PLEKHM3: variants seen among roughly 807,000 people sequenced by gnomAD.
The protein encoded by PLEKHM3 is pleckstrin homology domain-containing family M member 3.
Under a neutral mutation model 81.8 loss-of-function variants are expected in PLEKHM3, and 45 were observed. The observed-to-expected ratio is 0.55, with a 90% confidence interval of 0.43 to 0.71. The LOEUF (loss-of-function observed/expected upper bound fraction) is 0.71, where lower values mean the gene tolerates loss of function less well. Ranked by LOEUF, PLEKHM3 falls within the 30% of genes least tolerant of loss-of-function variation. PLEKHM3 has a pLI of 0.00. For synonymous variants in PLEKHM3, 352 were observed against 356.4 expected (o/e 0.99, Z 0.14); for missense variants, 788 against 924.3 (o/e 0.85, Z 1.91).
chr2:207,959,408 G>A (rs904298565), intron 3 of PLEKHM3, among the ~76,000 whole-genome samples: 2 of 152,164 alleles, frequency 1.3e-5, no homozygotes, highest in Admixed American at 1.3e-4. Flanking sequence ...TTATTTTGGG[G>A]GGTTACCTGA....
At chr2:207,880,919 G>T (rs2092588345) in intron 6 of PLEKHM3, among the ~76,000 whole-genome samples, 1 of 150,780 alleles carries the variant, frequency 6.6e-6, no homozygotes, top group South Asian at 2.1e-4. Flanking sequence ...AATGACAATG[G>T]TTATGCTCCA....
At chr2:207,895,069 T>C (rs1688179236) in intron 6 of PLEKHM3, among the ~76,000 whole-genome samples, 1 of 152,248 alleles carries the variant, frequency 6.6e-6, no homozygotes, top group South Asian at 2.1e-4. Context: ...CTATTATTAA[T>C]CTAATTATTT....
Position 208,001,760 on chromosome 2 carries a change from T to G in PLEKHM3, c.-121A>C. ...CTATGGAAACAACTGGAAGAAACCT[T>G]CATTGGGCTCCCTGGAGCAGGCCAA... On this transcript the variant is annotated 5_prime_UTR_variant, in exon 2 of 8. Transcript: ENST00000427836. The G allele has an allele frequency of 6.8e-7, 1 of 1,475,922 alleles. No homozygotes were observed. The highest frequency in any genetic ancestry group is 1.4e-5 in the South Asian group (1 of 72,736). 91.4% of individuals were successfully genotyped at this position (1,475,922 alleles called of 1,614,324 possible).
intron 4 of PLEKHM3, among the ~76,000 whole-genome samples, chr2:207,934,891 G>A (rs757238834): frequency 8.5e-5 from 13 of 152,190 alleles, no homozygotes; most frequent in African/African-American, 2.9e-4. Flanking sequence ...TCAGGTTTGC[G>A]TAATCCTGAG....
chr2:207,965,435 G>GGAA (rs1317602951), intron 3 of PLEKHM3, among the ~76,000 whole-genome samples: 1 of 149,946 alleles, frequency 6.7e-6, no homozygotes, highest in African/African-American at 2.4e-5. Context: ...ATGAAGTTCA[G>GGAA]GAAGGTCCAT....
chr2:207,880,749 C>T (rs1399348125), intron 6 of PLEKHM3, among the ~76,000 whole-genome samples: 3 of 9,650 alleles, frequency 3.1e-4, no homozygotes, highest in East Asian at 7.7e-3. Context: ...GGAGACACAG[C>T]GAGACTCTGT....
At chr2:207,849,320 C>T (rs569527476) in intron 7 of PLEKHM3, among the ~76,000 whole-genome samples, 21 of 151,440 alleles carry the variant, frequency 1.4e-4, no homozygotes, top group East Asian at 3.9e-4. Context: ...GGCCACAGAG[C>T]GAGACTGTCT....
intron 4 of PLEKHM3, among the ~76,000 whole-genome samples, chr2:207,944,034 T>C (rs1690037193): frequency 6.6e-6 from 1 of 152,128 alleles, no homozygotes; most frequent in Admixed American, 6.5e-5. Context: ...AAAGTAGGAA[T>C]TATCAGCATA....
In PLEKHM3 at chr2:208,001,198, C is replaced by A. The variant is rs1692287550; in HGVS notation, c.442G>T (p.Ala148Ser). 24 of 1,614,004 alleles carry A rather than the reference C, an allele frequency of 1.5e-5. No individual in the cohort carries two copies. Among genetic ancestry groups the A allele is most frequent in the Non-Finnish European group, 2.0e-5 (24 of 1,180,014 alleles). Residue 148 changes from alanine (A) to serine (S), a missense_variant, in exon 2 of 8, where the codon GCT becomes TCT. Transcript: ENST00000427836. ...DETSTFKPGH[A>S]RSRSDITQVD... ...TGGGTAATATCTGATCGTGATCGAG[C>A]ATGCCCTGGCTTGAAAGTTGAGGTC...
At chr2:207,927,336 T>C (rs1689429682) in intron 5 of PLEKHM3, among the ~76,000 whole-genome samples, 1 of 152,166 alleles carries the variant, frequency 6.6e-6, no homozygotes, top group South Asian at 2.1e-4. Flanking sequence ...GGCAACATGG[T>C]GAAAGCCCGT....
chr2:207,955,303 ATTTTTTTCATCCTGTTTTTTTC>A (rs1690466365), intron 3 of PLEKHM3, among the ~76,000 whole-genome samples: 2 of 152,078 alleles, frequency 1.3e-5, no homozygotes, highest in African/African-American at 2.4e-5. Context: ...TAAACTTAGT[ATTTTTTTCATCCTGTTTTTTTC>A]CTAACAGTCT....
At chr2:207,886,456 C>A (rs1004912612) in intron 6 of PLEKHM3, among the ~76,000 whole-genome samples, 1 of 152,186 alleles carries the variant, frequency 6.6e-6, no homozygotes, top group Non-Finnish European at 1.5e-5. Flanking sequence ...AGCTGCATTC[C>A]ACCTGTGTTA....
intron 6 of PLEKHM3, among the ~76,000 whole-genome samples, chr2:207,885,379 C>CT (rs1687855930): frequency 1.3e-5 from 2 of 152,226 alleles, no homozygotes; most frequent in Admixed American, 1.3e-4. Flanking sequence ...TCTTCTAACT[C>CT]TAGCTTGCTT....
At chr2:207,831,908 A>G (rs2092290777) in intron 7 of PLEKHM3, among the ~76,000 whole-genome samples, 1 of 152,186 alleles carries the variant, frequency 6.6e-6, no homozygotes, top group Admixed American at 6.5e-5. Flanking sequence ...TCCTCCTTCC[A>G]GCCCCCTTTC....
intron 7 of PLEKHM3, among the ~76,000 whole-genome samples, chr2:207,842,511 T>C (rs1368703354): frequency 6.6e-6 from 1 of 152,208 alleles, no homozygotes; most frequent in African/African-American, 2.4e-5. Flanking sequence ...TACTCTACTT[T>C]GCATGAACCA....
intron 4 of PLEKHM3, among the ~76,000 whole-genome samples, chr2:207,942,308 G>C (rs1559248350): frequency 1.3e-5 from 2 of 151,912 alleles, no homozygotes; most frequent in Non-Finnish European, 2.9e-5. Context: ...AGGAGTTCGA[G>C]GCCAGCCTGG....
intron 3 of PLEKHM3, among the ~76,000 whole-genome samples, chr2:207,975,621 C>T (rs980966360): frequency 8.5e-5 from 9 of 105,868 alleles, no homozygotes; most frequent in Non-Finnish European, 1.2e-4. Flanking sequence ...GATGGAGTGT[C>T]GCTCTGTCGC....
chr2:207,938,457 A>G (rs1303033618), intron 4 of PLEKHM3, among the ~76,000 whole-genome samples: 1 of 152,220 alleles, frequency 6.6e-6, no homozygotes, highest in African/African-American at 2.4e-5. Context: ...TTAAATGGCT[A>G]TTCAAGCCAG....
chr2:207,943,774 A>G (rs1220457882), intron 4 of PLEKHM3, among the ~76,000 whole-genome samples: 1 of 147,508 alleles, frequency 6.8e-6, no homozygotes, highest in Non-Finnish European at 1.5e-5. Context: ...AGGCTGAGGC[A>G]GGAGAATGGC....
Sources: allele counts gnomAD v4.1 joint callset (sites outside exome capture counted in the v4.1 genomes callset), GRCh38; gene constraint gnomAD v4.1.1; transcripts MANE v1.5; gene names NCBI Gene and HGNC (gene_info 2026-07-23, HGNC 2026-07-21).